OTUD3: variants seen among roughly 807,000 people sequenced by gnomAD.
OTUD3 encodes OTU domain-containing protein 3.
In OTUD3, 24 loss-of-function variants were observed where a neutral mutation model predicts 46.2. The ratio of observed to expected loss-of-function variants is 0.52; its 90% CI spans 0.38 to 0.73. OTUD3 has a LOEUF of 0.73. OTUD3 is among the 30% of genes least tolerant of loss of function. OTUD3 has a pLI of 0.00. For synonymous variants in OTUD3, 189 were observed against 195.4 expected (o/e 0.97, Z 0.27); for missense variants, 455 against 523.3 (o/e 0.87, Z 1.27).
chr1:19,905,997 A>C (rs1033544974), intron 6 of OTUD3, among the ~76,000 whole-genome samples: 2 of 152,222 alleles, frequency 1.3e-5, no homozygotes, highest in Non-Finnish European at 2.9e-5. Context: ...TACCTGCCAC[A>C]TGAGCAATGA....
chr1:19,887,580 T>A (rs912657001), intron 1 of OTUD3, among the ~76,000 whole-genome samples: 1 of 152,224 alleles, frequency 6.6e-6, no homozygotes, highest in Non-Finnish European at 1.5e-5. Context: ...GTCTATATAG[T>A]CTACCTCCGT....
chr1:19,904,013 A>G (rs898009938), intron 4 of OTUD3, among the ~76,000 whole-genome samples: 6 of 152,346 alleles, frequency 3.9e-5, no homozygotes, highest in South Asian at 2.1e-4. Flanking sequence ...GCATTTAGAC[A>G]TGGGAGTGCG....
In OTUD3 at chr1:19,911,181, C is replaced by T. The variant is rs891863541; in HGVS notation, c.*3435C>T. Reference sequence around the variant, plus strand: ...CTTCGACTCCCGTTTTGGGTAGATGCGTAGCTCTTCACTTTCTTACCTCAA... The same window carrying T: ...CTTCGACTCCCGTTTTGGGTAGATGTGTAGCTCTTCACTTTCTTACCTCAA... On this transcript the variant is annotated 3_prime_UTR_variant, in exon 8 of 8. Coordinates refer to ENST00000375120, the MANE Select transcript of OTUD3 (RefSeq NM_015207.2). The T allele has an allele frequency of 6.6e-6, 1 of 152,186 alleles. No individual in the cohort carries two copies. The highest frequency in any genetic ancestry group is 1.5e-5 in the Non-Finnish European group (1 of 68,018). The allele number at this position is 152,186 out of a possible 1,614,324, so 9.4% of individuals were successfully genotyped here. A position where few individuals can be genotyped will look rare whatever the true frequency, so the allele number is the denominator to read the frequency against.
At chr1:19,886,441 G>T (rs1319619431) in intron 1 of OTUD3, among the ~76,000 whole-genome samples, 2 of 151,874 alleles carry the variant, frequency 1.3e-5, no homozygotes, top group East Asian at 1.9e-4. Context: ...TCTAATTATT[G>T]CCTGTGTCAC....
chr1:19,896,764 C>G (rs182621889), intron 3 of OTUD3, among the ~76,000 whole-genome samples: 18 of 152,118 alleles, frequency 1.2e-4, no homozygotes, highest in South Asian at 2.1e-4. Flanking sequence ...TTGGACGTGG[C>G]GAGTTTTATT....
Position 19,882,602 on chromosome 1 carries a change from G to T in OTUD3, c.89G>T (p.Arg30Leu), listed in dbSNP as rs773380225. The T allele has an allele frequency of 2.5e-5, 36 of 1,435,438 alleles. No individual in the cohort carries two copies. Among genetic ancestry groups the T allele is most frequent in the Non-Finnish European group, 3.1e-5 (34 of 1,097,656 alleles). The allele number at this position is 1,435,438 out of a possible 1,614,324, so 88.9% of individuals were successfully genotyped here. A position where few individuals can be genotyped will look rare whatever the true frequency, so the allele number is the denominator to read the frequency against. Residue 30 changes from arginine (R) to leucine (L), a missense_variant, in exon 1 of 8, where the codon CGC becomes CTC. Transcript: ENST00000375120. ...AERKRDERAARRALAKERRNR... is the reference protein window; with the variant it reads ...AERKRDERAALRALAKERRNR... ...CGCAAGCGGGACGAGCGGGCGGCGCGCCGGGCCCTGGCCAAGGAGCGGCGG... is the reference window on the plus strand; with the variant it reads ...CGCAAGCGGGACGAGCGGGCGGCGCTCCGGGCCCTGGCCAAGGAGCGGCGG...
In OTUD3 at chr1:19,882,452, A is replaced by G; in HGVS notation, c.-62A>G. The G allele has an allele frequency of 7.6e-7, 1 of 1,320,600 alleles. No homozygotes were observed. Among genetic ancestry groups the G allele is most frequent in the Non-Finnish European group, 9.6e-7 (1 of 1,040,514 alleles). 81.8% of individuals were successfully genotyped at this position (1,320,600 alleles called of 1,614,324 possible). A position where few individuals can be genotyped will look rare whatever the true frequency, so the allele number is the denominator to read the frequency against. ...CGCTGTTTTACCTTCCCAACGCTTG[A>G]GGCGGACGCTGGGGGGTCCTGCGCC... On this transcript the variant is annotated 5_prime_UTR_variant, in exon 1 of 8. Coordinates refer to ENST00000375120, the MANE Select transcript of OTUD3 (RefSeq NM_015207.2).
chr1:19,891,259 A>T (rs1207253073), intron 2 of OTUD3, among the ~76,000 whole-genome samples: 2 of 152,222 alleles, frequency 1.3e-5, no homozygotes, highest in Non-Finnish European at 2.9e-5. Context: ...ATCTTATAGA[A>T]AATGCATATG....
rs1415561732 is a variant in OTUD3 at position 19,907,860 on chromosome 1, A to G, written c.*114A>G. 1.9e-5 allele frequency: 17 copies of G among 896,670 alleles called. No homozygotes were observed. The highest frequency in any genetic ancestry group is 1.8e-4 in the East Asian group (7 of 38,486). The allele number at this position is 896,670 out of a possible 1,614,324, so 55.5% of individuals were successfully genotyped here. A position where few individuals can be genotyped will look rare whatever the true frequency, so the allele number is the denominator to read the frequency against. The stretch of plus-strand genomic sequence containing the variant: ...GCAACACAACCAACGAAGCCCACAC[A>G]TGAGCTCACACACTGAGTTAGTTTC... On this transcript the variant is annotated 3_prime_UTR_variant, in exon 8 of 8. Coordinates refer to ENST00000375120, the MANE Select transcript of OTUD3 (RefSeq NM_015207.2).
intron 1 of OTUD3, among the ~76,000 whole-genome samples, chr1:19,884,847 T>C (rs896351486): frequency 6.6e-6 from 1 of 152,160 alleles, no homozygotes; most frequent in African/African-American, 2.4e-5. Flanking sequence ...ATGATACAAA[T>C]AATTAAAATA....
chr1:19,888,679 CT>C (rs1236905845), intron 1 of OTUD3, among the ~76,000 whole-genome samples: 1 of 152,186 alleles, frequency 6.6e-6, no homozygotes, highest in African/African-American at 2.4e-5. Flanking sequence ...CAGGTTTCCC[CT>C]GAGGGATGGT....
rs1400320519 is a variant in OTUD3, at chr1:19,911,903, G to A, written c.*4157G>A. The stretch of plus-strand genomic sequence containing the variant: ...GCGGTGCCTTGTGGTTGGCCTGGAA[G>A]TTCTCTCCCAAGGTGAAATTCCTTT... On this transcript the variant is annotated 3_prime_UTR_variant, in exon 8 of 8. Coordinates refer to ENST00000375120, the MANE Select transcript of OTUD3 (RefSeq NM_015207.2). The A allele has an allele frequency of 6.6e-6, 1 of 152,304 alleles. No homozygotes were observed. Among genetic ancestry groups the A allele is most frequent in the African/African-American group, 2.4e-5 (1 of 41,440 alleles). The allele number at this position is 152,304 out of a possible 1,614,324, so 9.4% of individuals were successfully genotyped here.
Position 19,884,083 on chromosome 1 carries a change from A to G in OTUD3, c.221+1349A>G, listed in dbSNP as rs996318668. 5.3e-5 allele frequency among the ~76,000 whole-genome samples: 8 copies of G among 152,362 alleles called. No homozygotes were observed. The South Asian group carries it at 6.2e-4, about 12-fold the overall frequency. ...CGTTTTTGCTGAATGAAATATAAAA[A>G]TAATAGAGGGAGGTCAGCTAGCCTA... On this transcript the variant is annotated intron_variant, in intron 1 of 7. Transcript: ENST00000375120.
rs983331235 is a variant in OTUD3, at chr1:19,912,747, G to A, written c.*5001G>A. ...TTCCCCCTAGATTGTTTCTTTCCAC[G>A]GATTGTGTTCATCTGAACCATTTTA... On this transcript the variant is annotated 3_prime_UTR_variant, in exon 8 of 8. Transcript: ENST00000375120. 1.3e-5 allele frequency: 2 copies of A among 152,252 alleles called. No individual in the cohort carries two copies. 9.4% of individuals were successfully genotyped at this position (152,252 alleles called of 1,614,324 possible).
chr1:19,891,940 G>A (rs1270500981), intron 2 of OTUD3, among the ~76,000 whole-genome samples: 2 of 152,194 alleles, frequency 1.3e-5, no homozygotes, highest in African/African-American at 2.4e-5. Flanking sequence ...GACAAATTTT[G>A]TAGTTTAGTG....
chr1:19,882,454 G>A lies in OTUD3; in HGVS notation c.-60G>A. The A allele has an allele frequency of 3.8e-6, 5 of 1,322,012 alleles. No homozygotes were observed. Among genetic ancestry groups the A allele is most frequent in the Non-Finnish European group, 4.8e-6 (5 of 1,041,222 alleles). 81.9% of individuals were successfully genotyped at this position (1,322,012 alleles called of 1,614,324 possible). On this transcript the variant is annotated 5_prime_UTR_variant, in exon 1 of 8. Coordinates refer to ENST00000375120, the MANE Select transcript of OTUD3 (RefSeq NM_015207.2). Reference sequence around the variant, plus strand: ...CTGTTTTACCTTCCCAACGCTTGAGGCGGACGCTGGGGGGTCCTGCGCCTT... The same window carrying A: ...CTGTTTTACCTTCCCAACGCTTGAGACGGACGCTGGGGGGTCCTGCGCCTT...
chr1:19,897,600 C>T lies in OTUD3; in HGVS notation c.544C>T (p.His182Tyr). The T allele has an allele frequency of 6.2e-7, 1 of 1,613,950 alleles. No homozygotes were observed. The highest frequency in any genetic ancestry group is 8.5e-7 in the Non-Finnish European group (1 of 1,179,834). ...ELHIAYRYGE[H>Y]YDSVRRINDN... Reference sequence around the variant, plus strand: ...ACACATCGCATATCGGTATGGAGAGCACTACGACAGTGTTCGGAGGATCAA... The same window carrying T: ...ACACATCGCATATCGGTATGGAGAGTACTACGACAGTGTTCGGAGGATCAA... The change falls in exon 4 of 8, where the codon CAC becomes TAC. Residue 182 changes from histidine (H) to tyrosine (Y), a missense_variant. By Grantham distance (83) the His-to-Tyr change is moderately conservative (BLOSUM62 2). Coordinates refer to ENST00000375120, the MANE Select transcript of OTUD3 (RefSeq NM_015207.2).
intron 1 of OTUD3, among the ~76,000 whole-genome samples, chr1:19,885,081 A>G (rs961927690): frequency 2.6e-5 from 4 of 152,172 alleles, no homozygotes; most frequent in African/African-American, 9.7e-5. Context: ...AGGAGTATAT[A>G]TAGAGGCACA....
intron 1 of OTUD3, among the ~76,000 whole-genome samples, chr1:19,887,082 C>CTTT (rs35763768): frequency 7.5e-6 from 1 of 133,482 alleles, no homozygotes. Context: ...TTTTCTTTTT[C>CTTT]TTTTTTTTTT....
Sources: allele counts gnomAD v4.1 joint callset (sites outside exome capture counted in the v4.1 genomes callset), GRCh38; gene constraint gnomAD v4.1.1; transcripts MANE v1.5; gene names NCBI Gene and HGNC (gene_info 2026-07-23, HGNC 2026-07-21).